Variants in ADAMTS17 observed in about 807,000 individuals in gnomAD.
The protein encoded by ADAMTS17 is A disintegrin and metalloproteinase with thrombospondin motifs 17.
In ADAMTS17, 113 loss-of-function variants were observed where a neutral mutation model predicts 141.5. The ratio of observed to expected loss-of-function variants is 0.80; its 90% CI spans 0.69 to 0.93. The LOEUF (loss-of-function observed/expected upper bound fraction) is 0.93. Among genes scored for constraint, ADAMTS17 ranks in the 40% least tolerant of loss-of-function variants. The probability of loss-of-function intolerance (pLI) is 0.00; values close to 1 mark genes in which losing one functional copy is unlikely to be tolerated. For missense variants in ADAMTS17, 1,659 were observed against 1,517.9 expected (o/e 1.09, Z -1.54); for synonymous variants, 768 against 630.6 (o/e 1.22, Z -3.27).
rs1555527891 is a variant in ADAMTS17, at chr15:99,997,623, TG to T, written c.2592-35del. 6.2e-7 allele frequency: 1 copy of T among 1,611,190 alleles called. No individual in the cohort carries two copies. The highest frequency in any genetic ancestry group is 8.5e-7 in the Non-Finnish European group (1 of 1,179,594). ...CGGGAGGAAAGAGAGAGAGAACGAC[TG>T]GGTGAGAGGCCAGCCTCTCCGGAGG... On this transcript the variant is annotated intron_variant, in intron 18 of 21. Coordinates refer to ENST00000268070, the MANE Select transcript of ADAMTS17 (RefSeq NM_139057.4). This position sits in a 1 kb window ranked among gnomAD's most constrained non-coding sequence, Gnocchi z 4.7.
Position 99,997,687 on chromosome 15 carries a change from G to T in ADAMTS17, c.2592-98C>A. 6.9e-7 allele frequency: 1 copy of T among 1,456,608 alleles called. No homozygotes were observed. Among genetic ancestry groups the T allele is most frequent in the Non-Finnish European group, 9.5e-7 (1 of 1,049,004 alleles). 90.2% of individuals were successfully genotyped at this position (1,456,608 alleles called of 1,614,324 possible). A position where few individuals can be genotyped will look rare whatever the true frequency, so the allele number is the denominator to read the frequency against. Reference sequence around the variant, plus strand: ...GATCCTGGAATTGCTGCCCTGTGGTGGGAGAGAGGGAGGCAGACTCAGGAA... The same window carrying T: ...GATCCTGGAATTGCTGCCCTGTGGTTGGAGAGAGGGAGGCAGACTCAGGAA... On this transcript the variant is annotated intron_variant, in intron 18 of 21. Coordinates refer to ENST00000268070, the MANE Select transcript of ADAMTS17 (RefSeq NM_139057.4). The surrounding 1 kb of genome is among the most constrained non-coding windows in gnomAD (Gnocchi z 4.7).
At chr15:100,058,175 C>A in intron 15 of ADAMTS17, among the ~76,000 whole-genome samples, 1 of 104,416 alleles carries the variant, frequency 9.6e-6, no homozygotes, top group South Asian at 3.5e-4. Context: ...CCCTCCTATC[C>A]CGGCTCTAAC....
At chr15:100,186,900 T>C (rs564370057) in intron 8 of ADAMTS17, among the ~76,000 whole-genome samples, 13 of 152,382 alleles carry the variant, frequency 8.5e-5, no homozygotes, top group African/African-American at 2.6e-4. Flanking sequence ...TAAGTTGAAA[T>C]GTATGCCATT....
intron 8 of ADAMTS17, among the ~76,000 whole-genome samples, chr15:100,175,128 G>A (rs1295703409): frequency 6.6e-6 from 1 of 152,224 alleles, no homozygotes; most frequent in Non-Finnish European, 1.5e-5. Context: ...CACATTTGGA[G>A]TGAAACAAGA....
At chr15:100,024,268 AT>A (rs912168561) in intron 18 of ADAMTS17, among the ~76,000 whole-genome samples, 2 of 152,012 alleles carry the variant, frequency 1.3e-5, no homozygotes, top group African/African-American at 4.8e-5. Flanking sequence ...AATTTAAAAA[AT>A]TTTTTTTGTA....
intron 10 of ADAMTS17, among the ~76,000 whole-genome samples, chr15:100,141,024 C>A (rs1285334662): frequency 6.6e-6 from 1 of 152,210 alleles, no homozygotes; most frequent in Non-Finnish European, 1.5e-5. Flanking sequence ...CCCACTCCCG[C>A]CCCCGGCGGC....
chr15:100,140,980 C>A (rs1002853517), intron 10 of ADAMTS17, among the ~76,000 whole-genome samples: 1 of 152,170 alleles, frequency 6.6e-6, no homozygotes, highest in Non-Finnish European at 1.5e-5. Flanking sequence ...GCTGCCCAGG[C>A]CAAATCAGGG....
rs751281311 is a variant in ADAMTS17, at chr15:100,054,036, T to C, written c.2156A>G (p.Lys719Arg). Residue 719 changes from lysine to arginine, a missense_variant, in exon 16 of 22, where the codon AAG becomes AGG. Transcript: ENST00000268070. ...CTTCCAGTCACTGTTGATGGACCCC[T>C]TACCCGAGTCTTTGAGAGCTAGAAA... ...ARGTALKDSG[K>R]GSINSDWKIE... The C allele has an allele frequency of 1.2e-6, 2 of 1,614,118 alleles. No individual in the cohort carries two copies. The highest frequency in any genetic ancestry group is 1.7e-6 in the Non-Finnish European group (2 of 1,179,994).
At chr15:100,140,295 C>T (rs972990358) in intron 10 of ADAMTS17, among the ~76,000 whole-genome samples, 11 of 152,016 alleles carry the variant, frequency 7.2e-5, no homozygotes, top group Admixed American at 4.6e-4. Context: ...TGTGCCTGGC[C>T]GTGTAAGATG....
chr15:100,056,879 A>G (rs984424508), intron 15 of ADAMTS17, among the ~76,000 whole-genome samples: 1 of 152,138 alleles, frequency 6.6e-6, no homozygotes, highest in African/African-American at 2.4e-5. Flanking sequence ...GAGAGAAAAG[A>G]TGAACACAAC....
At chr15:100,256,087 G>C (rs969848213) in intron 6 of ADAMTS17, among the ~76,000 whole-genome samples, 8 of 152,336 alleles carry the variant, frequency 5.3e-5, no homozygotes, top group African/African-American at 1.9e-4. Flanking sequence ...TTTATCTCCA[G>C]GGAACCTGGC....
chr15:100,274,378 T>A lies in ADAMTS17; in HGVS notation c.789+6851A>T, dbSNP rs147052167. Reference sequence around the variant, plus strand: ...TCAGATGTGTAAATATTTATAACTGTTATATCTTCTTATATATTGGAACTT... The same window carrying A: ...TCAGATGTGTAAATATTTATAACTGATATATCTTCTTATATATTGGAACTT... On this transcript the variant is annotated intron_variant, in intron 4 of 21. Transcript: ENST00000268070. Among the ~76,000 whole-genome samples, 265 of 152,354 alleles carry A rather than the reference T, an allele frequency of 1.7e-3. 1 individual carries two copies. Among genetic ancestry groups the A allele is most frequent in the African/African-American group, 6.2e-3 (256 of 41,590 alleles).
At chr15:100,245,530 C>G (rs1054150943) in intron 7 of ADAMTS17, among the ~76,000 whole-genome samples, 7 of 152,224 alleles carry the variant, frequency 4.6e-5, no homozygotes, top group African/African-American at 1.7e-4. Flanking sequence ...AAGCCCATCC[C>G]ATGCAAAAAC....
intron 2 of ADAMTS17, among the ~76,000 whole-genome samples, chr15:100,340,222 T>C (rs531014200): frequency 6.6e-6 from 1 of 152,290 alleles, no homozygotes; most frequent in South Asian, 2.1e-4. Context: ...TGTAGCCACA[T>C]GATCAAGTGT....
intron 15 of ADAMTS17, among the ~76,000 whole-genome samples, chr15:100,091,766 C>T (rs1271545405): frequency 1.3e-5 from 2 of 152,202 alleles, no homozygotes; most frequent in Non-Finnish European, 2.9e-5. Context: ...TGGACTCTTT[C>T]CCCTGAAATC....
intron 8 of ADAMTS17, among the ~76,000 whole-genome samples, chr15:100,173,326 G>A (rs1457049155): frequency 6.6e-6 from 1 of 152,056 alleles, no homozygotes; most frequent in Non-Finnish European, 1.5e-5. Flanking sequence ...AAGCTCCAGA[G>A]CAGAACTCTC....
chr15:100,239,106 T>C lies in ADAMTS17; in HGVS notation c.1075+15030A>G, dbSNP rs1171300958. 5.9e-5 allele frequency among the ~76,000 whole-genome samples: 9 copies of C among 152,104 alleles called. No homozygotes were observed. In the East Asian group the frequency reaches 1.4e-3, roughly 23 times the overall value. On this transcript the variant is annotated intron_variant, in intron 7 of 21. Transcript: ENST00000268070. ...CTCCGTCTCAAAAAAGAAAACGAAA[T>C]GTGAGAAAGGAAAGACTGTAACCCA...
intron 3 of ADAMTS17, among the ~76,000 whole-genome samples, chr15:100,298,497 A>C (rs2044905915): frequency 6.6e-6 from 1 of 151,942 alleles, no homozygotes; most frequent in African/African-American, 2.4e-5. Flanking sequence ...TGCATGCAAA[A>C]ACTCATCAGT....
chr15:100,298,703 G>A lies in ADAMTS17; in HGVS notation c.617-17302C>T, dbSNP rs149240488. 3.1e-3 allele frequency among the ~76,000 whole-genome samples: 465 copies of A among 152,286 alleles called. 8 individuals are homozygous for A. The highest frequency in any genetic ancestry group is 6.8e-3 in the Middle Eastern group (2 of 294). On this transcript the variant is annotated intron_variant, in intron 3 of 21. Transcript: ENST00000268070. ...GAGAGAAAATGCCAGGCAGCATCAT[G>A]CAGGAGAAGCTGAGTCTAGTCCAGT...
Sources: allele counts gnomAD v4.1 joint callset (sites outside exome capture counted in the v4.1 genomes callset), GRCh38; gene constraint gnomAD v4.1.1; non-coding constraint Gnocchi (gnomAD v3.1); transcripts MANE v1.5; gene names NCBI Gene and HGNC (gene_info 2026-07-23, HGNC 2026-07-21).